PCDHA4: variants seen among roughly 807,000 people sequenced by gnomAD.
PCDHA4 encodes protocadherin alpha-4.
In PCDHA4, 49 loss-of-function variants were observed where a neutral mutation model predicts 61.4. The ratio of observed to expected loss-of-function variants is 0.80; its 90% CI spans 0.63 to 1.01. The LOEUF is 1.01. Among genes scored for constraint, PCDHA4 ranks in the 50% least tolerant of loss-of-function variants. PCDHA4 has a pLI of 0.00. For missense variants in PCDHA4, 1,254 were observed against 1,235.8 expected (o/e 1.01, Z -0.22); for synonymous variants, 590 against 550.3 (o/e 1.07, Z -1.01).
In PCDHA4 at chr5:140,928,021, T is replaced by G. The variant is rs1554205382; in HGVS notation, c.2386-50928T>G. ...CCTCGATTCTAATGGTAGGGTCATT[T>G]GTGGCATGTCTAGTGCAGGCCCTTT... On this transcript the variant is annotated intron_variant, in intron 1 of 3. Coordinates refer to ENST00000530339, the MANE Select transcript of PCDHA4 (RefSeq NM_018907.4). 3 of 1,614,220 alleles carry G rather than the reference T, an allele frequency of 1.9e-6. No individual in the cohort carries two copies. The African/African-American group carries it at 4.0e-5, about 22-fold the overall frequency.
intron 1 of PCDHA4, among the ~76,000 whole-genome samples, chr5:140,951,450 C>A: frequency 6.6e-6 from 1 of 151,922 alleles, no homozygotes; most frequent in East Asian, 1.9e-4. Flanking sequence ...ATGATGCCGG[C>A]CATCTGCTTG....
At chr5:140,821,613 A>G in intron 1 of PCDHA4, 1 of 802,296 alleles carries the variant, frequency 1.2e-6, no homozygotes. Flanking sequence ...TACAGTGAGT[A>G]GATTTTCCTT....
intron 1 of PCDHA4, chr5:140,870,890 T>C: frequency 6.2e-7 from 1 of 1,613,954 alleles, no homozygotes; most frequent in Non-Finnish European, 8.5e-7. Flanking sequence ...GTGCGCGCAG[T>C]GGATGCGGAC....
chr5:140,891,281 G>A (rs1554184772), intron 1 of PCDHA4, among the ~76,000 whole-genome samples: 2 of 151,886 alleles, frequency 1.3e-5, no homozygotes, highest in African/African-American at 4.8e-5. Context: ...GTAAGTTATT[G>A]GGGGTACAGG....
intron 3 of PCDHA4, among the ~76,000 whole-genome samples, chr5:140,997,668 T>TTG (rs35184029): frequency 0.084 from 12,442 of 148,286 alleles, 534 homozygotes; most frequent in Admixed American, 0.1. Flanking sequence ...ATTATACAGC[T>TTG]TGTGTGTGTG....
At chr5:140,863,360 G>T in intron 1 of PCDHA4, 1 of 1,206,130 alleles carries the variant, frequency 8.3e-7, no homozygotes, top group Non-Finnish European at 1.2e-6. Context: ...ACGCTGCGGT[G>T]CTTGGCGCAG....
intron 1 of PCDHA4, among the ~76,000 whole-genome samples, chr5:140,845,577 T>C (rs2150380022): frequency 1.3e-5 from 2 of 149,706 alleles, no homozygotes; most frequent in East Asian, 1.9e-4. Context: ...ATTTCTGGGA[T>C]TGAAATGTGT....
chr5:140,943,657 C>T (rs531235288), intron 1 of PCDHA4, among the ~76,000 whole-genome samples: 51 of 151,756 alleles, frequency 3.4e-4, no homozygotes, highest in African/African-American at 1.2e-3. Flanking sequence ...CATCTATGAA[C>T]AATGTATAAA....
In PCDHA4 at chr5:140,853,715, G is replaced by T; in HGVS notation, c.2385+44143G>T. ...ACCTGCTAACGCATTAGCATTAGCA[G>T]CACCTAAGTCCTCATTGAATGTTCT... is the stretch of plus-strand genomic sequence containing the variant. On this transcript the variant is annotated intron_variant, in intron 1 of 3. Coordinates refer to ENST00000530339, the MANE Select transcript of PCDHA4 (RefSeq NM_018907.4). 6 of 988,172 alleles carry T rather than the reference G, an allele frequency of 6.1e-6. 1 individual carries two copies. The highest frequency in any genetic ancestry group is 7.3e-6 in the Non-Finnish European group (6 of 820,144). 61.2% of individuals were successfully genotyped at this position (988,172 alleles called of 1,614,324 possible). A position where few individuals can be genotyped will look rare whatever the true frequency, so the allele number is the denominator to read the frequency against.
At chr5:140,987,938 C>G (rs2153869339) in intron 3 of PCDHA4, among the ~76,000 whole-genome samples, 1 of 152,208 alleles carries the variant, frequency 6.6e-6, no homozygotes, top group East Asian at 1.9e-4. Context: ...AGGATTCTTA[C>G]CTGTCTGACA....
rs2150425327 is a variant in PCDHA4 at position 140,848,932 on chromosome 5, G to T, written c.2385+39360G>T. The T allele has an allele frequency of 3.7e-6, 6 of 1,607,494 alleles. No individual in the cohort carries two copies. In the African/African-American group the frequency reaches 8.1e-5, roughly 22 times the overall value. ...AAGAATCTGTTCATCGCGGAATCCA[G>T]GCCGCTTGACTCTCGGTTTCCACTA... On this transcript the variant is annotated intron_variant, in intron 1 of 3. Transcript: ENST00000530339.
intron 1 of PCDHA4, chr5:140,869,336 A>G (rs781863950): frequency 6.2e-7 from 1 of 1,613,984 alleles, no homozygotes; most frequent in Admixed American, 1.7e-5. Flanking sequence ...CTGGAGGTAA[A>G]TCTGCAGAAT....
chr5:140,870,908 A>G, intron 1 of PCDHA4: 1 of 1,613,928 alleles, frequency 6.2e-7, no homozygotes, highest in Non-Finnish European at 8.5e-7. Flanking sequence ...GACTCAGGCT[A>G]CAACGCGTGG....
chr5:140,841,535 C>A (rs146057065), intron 1 of PCDHA4: 5 of 1,613,548 alleles, frequency 3.1e-6, no homozygotes, highest in African/African-American at 1.3e-5. Flanking sequence ...CAAAAGACAC[C>A]GGGACCTTCT....
intron 1 of PCDHA4, chr5:140,928,156 T>G (rs1554205560): frequency 6.2e-7 from 1 of 1,614,188 alleles, no homozygotes; most frequent in East Asian, 2.2e-5. Context: ...AGATAGTGGC[T>G]CACCCCCACT....
intron 1 of PCDHA4, among the ~76,000 whole-genome samples, chr5:140,893,180 C>G (rs1388898676): frequency 6.6e-6 from 1 of 152,208 alleles, no homozygotes; most frequent in Non-Finnish European, 1.5e-5. Context: ...CACATAGTAG[C>G]TATTGTGAAT....
At chr5:140,904,107 T>A (rs1214453471) in intron 1 of PCDHA4, among the ~76,000 whole-genome samples, 3 of 152,216 alleles carry the variant, frequency 2.0e-5, no homozygotes, top group Non-Finnish European at 4.4e-5. Context: ...TAGTGGTCAT[T>A]GCTGAGATTT....
rs782568001 is a variant in PCDHA4, at chr5:140,876,674, A to G, written c.2385+67102A>G. The G allele has an allele frequency of 5.0e-6, 8 of 1,614,142 alleles. No homozygotes were observed. The South Asian group carries it at 7.7e-5, about 16-fold the overall frequency. On this transcript the variant is annotated intron_variant, in intron 1 of 3. Transcript: ENST00000530339. ...GTTCCCTTCAAGCTGGTGTCCACCTACAAGAATTACTACTCGTTGGTGCTG... is the reference window on the plus strand; with the variant it reads ...GTTCCCTTCAAGCTGGTGTCCACCTGCAAGAATTACTACTCGTTGGTGCTG...
intron 1 of PCDHA4, chr5:140,884,750 A>T (rs1032518651): frequency 8.1e-5 from 116 of 1,431,120 alleles, no homozygotes; most frequent in Non-Finnish European, 1.2e-5. Context: ...TGCCAATTTC[A>T]AATTATTCTT....
Sources: gnomAD v4.1 joint callset for allele counts (sites outside exome capture counted in the v4.1 genomes callset) on GRCh38, gnomAD v4.1.1 for gene constraint, MANE v1.5 for transcripts, NCBI Gene and HGNC (gene_info 2026-07-23, HGNC 2026-07-21) for gene names.